The following GPM6A variants were observed in gnomAD, a reference collection of about 807,000 sequenced individuals.
GPM6A encodes neuronal membrane glycoprotein M6-a.
Under a neutral mutation model 32.1 loss-of-function variants are expected in GPM6A, and 7 were observed. That is an observed-to-expected ratio of 0.22 (90% CI 0.12 to 0.41). The LOEUF (loss-of-function observed/expected upper bound fraction) is 0.41. GPM6A is among the 10% of genes least tolerant of loss of function. GPM6A has a pLI of 1.00. For missense variants in GPM6A, 235 were observed against 347.2 expected, an observed-to-expected ratio of 0.68 and a Z score of 2.57; for synonymous variants, 130 against 123.4, an observed-to-expected ratio of 1.05 and a Z score of -0.35.
intron 1 of GPM6A, among the ~76,000 whole-genome samples, chr4:175,905,626 T>C (rs1159265265): frequency 6.6e-6 from 1 of 152,098 alleles, no homozygotes; most frequent in Non-Finnish European, 1.5e-5. Flanking sequence ...AGAAGTCTTT[T>C]CAATGTTTAC....
intron 1 of GPM6A, among the ~76,000 whole-genome samples, chr4:175,736,036 A>G (rs1184280325): frequency 6.6e-6 from 1 of 151,750 alleles, no homozygotes; most frequent in Non-Finnish European, 1.5e-5. Context: ...ATTTATTTAC[A>G]TTTTTTAGAA....
chr4:175,828,207 A>T (rs1356181464), intron 1 of GPM6A, among the ~76,000 whole-genome samples: 1 of 152,202 alleles, frequency 6.6e-6, no homozygotes, highest in Non-Finnish European at 1.5e-5. Context: ...CTGCCAAAAC[A>T]AATTTTATCA....
chr4:175,692,044 G>A (rs1027746844), intron 2 of GPM6A, among the ~76,000 whole-genome samples: 1 of 152,104 alleles, frequency 6.6e-6, no homozygotes, highest in Admixed American at 6.6e-5. Context: ...CTTGATTTTA[G>A]CTCATTTCAG....
chr4:175,810,971 A>T (rs1734894830), intron 1 of GPM6A, among the ~76,000 whole-genome samples: 1 of 152,100 alleles, frequency 6.6e-6, no homozygotes, highest in South Asian at 2.1e-4. Context: ...GGTACTAAGG[A>T]CTAAAATTGG....
chr4:175,981,352 T>C (rs1472621007), intron 1 of GPM6A, among the ~76,000 whole-genome samples: 1 of 152,190 alleles, frequency 6.6e-6, no homozygotes, highest in Non-Finnish European at 1.5e-5. Flanking sequence ...TAAACATCAT[T>C]GTAATTGAGA....
At chr4:175,863,940 G>A (rs1315645413) in intron 1 of GPM6A, among the ~76,000 whole-genome samples, 8 of 152,046 alleles carry the variant, frequency 5.3e-5, no homozygotes, top group Admixed American at 4.6e-4. Flanking sequence ...ATTCTAGGCT[G>A]CAGTGAGCTG....
chr4:175,970,778 A>C, intron 1 of GPM6A: 1 of 429,966 alleles, frequency 2.3e-6, no homozygotes, highest in Non-Finnish European at 4.6e-6. Flanking sequence ...AACTAAAAGA[A>C]AAGCAAGATT....
intron 1 of GPM6A, among the ~76,000 whole-genome samples, chr4:175,992,848 AAC>A (rs1741193247): frequency 6.6e-6 from 1 of 152,204 alleles, no homozygotes; most frequent in Non-Finnish European, 1.5e-5. Flanking sequence ...CACAATTTAA[AAC>A]AGTCAAGAAG....
intron 1 of GPM6A, among the ~76,000 whole-genome samples, chr4:175,828,680 A>G (rs1280640513): frequency 3.3e-5 from 5 of 152,190 alleles, no homozygotes; most frequent in Non-Finnish European, 5.9e-5. Flanking sequence ...GTGGATGAAC[A>G]TTTGAAATAC....
upstream of GPM6A, among the ~76,000 whole-genome samples, chr4:175,816,881 G>A (rs895263655): frequency 1.8e-4 from 27 of 150,092 alleles, no homozygotes; most frequent in Admixed American, 5.3e-4. Context: ...TTTTTTTTGA[G>A]ACGGAGTCTC....
chr4:175,906,803 A>G (rs1292551191), intron 1 of GPM6A: 1 of 152,140 alleles, frequency 6.6e-6, no homozygotes, highest in African/African-American at 2.4e-5. Flanking sequence ...TGAGAACCCA[A>G]ATTAAGTTGG....
intron 1 of GPM6A, among the ~76,000 whole-genome samples, chr4:175,737,076 A>G (rs78049008): frequency 0.044 from 6,749 of 152,282 alleles, 190 homozygotes; most frequent in Non-Finnish European, 0.063. Context: ...AGAACTCTAG[A>G]TTAGTCATGT....
At chr4:175,692,149 T>TGCA (rs551302526) in intron 2 of GPM6A, among the ~76,000 whole-genome samples, 109 of 152,310 alleles carry the variant, frequency 7.2e-4, no homozygotes, top group African/African-American at 2.4e-3. Flanking sequence ...AATTCTTTTT[T>TGCA]GCAGCAGCAA....
chr4:175,900,520 G>C (rs1252961714), intron 1 of GPM6A, among the ~76,000 whole-genome samples: 2 of 146,902 alleles, frequency 1.4e-5, no homozygotes, highest in African/African-American at 5.0e-5. Flanking sequence ...ATATGAAAAA[G>C]TGCTCAACAT....
intron 1 of GPM6A, among the ~76,000 whole-genome samples, chr4:175,793,479 T>C (rs973907716): frequency 5.9e-5 from 9 of 152,124 alleles, no homozygotes; most frequent in African/African-American, 2.2e-4. Flanking sequence ...CAGGTTCAAG[T>C]GATTCTCCTG....
intron 1 of GPM6A, among the ~76,000 whole-genome samples, chr4:175,894,195 G>A (rs7687455): frequency 0.51 from 77,326 of 151,844 alleles, 21,249 homozygotes; most frequent in East Asian, 0.75. Flanking sequence ...ATAGCAGACC[G>A]TCCTCATGTT....
chr4:175,973,265 G>A (rs1352621641), intron 1 of GPM6A, among the ~76,000 whole-genome samples: 1 of 152,122 alleles, frequency 6.6e-6, no homozygotes, highest in East Asian at 1.9e-4. Flanking sequence ...TACACAATGA[G>A]GAAAAGTTTA....
At chr4:175,883,207 T>C (rs1560978497) in intron 1 of GPM6A, among the ~76,000 whole-genome samples, 2 of 152,182 alleles carry the variant, frequency 1.3e-5, no homozygotes. Context: ...CTTTGTAACA[T>C]ACTGGTTTGA....
chr4:175,930,341 T>G (rs1335576042), intron 1 of GPM6A, among the ~76,000 whole-genome samples: 3 of 151,386 alleles, frequency 2.0e-5, no homozygotes, highest in African/African-American at 7.3e-5. Context: ...AGAAAAATTT[T>G]AGCCGAGACC....
Sources: allele counts gnomAD v4.1 joint callset (sites outside exome capture counted in the v4.1 genomes callset), GRCh38; gene constraint gnomAD v4.1.1; transcripts MANE v1.5; gene names NCBI Gene and HGNC (gene_info 2026-07-23, HGNC 2026-07-21).